The following PAMR1 variants were observed in gnomAD, a reference collection of about 807,000 sequenced individuals.
PAMR1 encodes peptidase domain containing associated with muscle regeneration 1, also known as inactive serine protease PAMR1.
Under a neutral mutation model 81.8 loss-of-function variants are expected in PAMR1, and 88 were observed. That is an observed-to-expected ratio of 1.08 (90% CI 0.91 to 1.28). The LOEUF is 1.28. Ranked by LOEUF, PAMR1 falls within the 50% of genes most tolerant of loss-of-function variation. The pLI is 0.00. For missense variants in PAMR1, 935 were observed against 919.7 expected, an observed-to-expected ratio of 1.02 and a Z score of -0.21; for synonymous variants, 336 against 345.3, an observed-to-expected ratio of 0.97 and a Z score of 0.30.
At chr11:35,525,260 A>G (rs1851363792) in intron 1 of PAMR1, among the ~76,000 whole-genome samples, 1 of 152,162 alleles carries the variant, frequency 6.6e-6, no homozygotes, top group African/African-American at 2.4e-5. Flanking sequence ...CGCTTTCCTG[A>G]GACAGTACAG....
chr11:35,515,261 A>G (rs1851141138), intron 1 of PAMR1, among the ~76,000 whole-genome samples: 2 of 152,174 alleles, frequency 1.3e-5, no homozygotes, highest in South Asian at 4.1e-4. Flanking sequence ...CTTTGCCAAA[A>G]GCTTCCAGAA....
intron 5 of PAMR1, among the ~76,000 whole-genome samples, chr11:35,470,324 C>T (rs948510678): frequency 7.2e-5 from 11 of 152,234 alleles, no homozygotes; most frequent in African/African-American, 2.7e-4. Flanking sequence ...ATCCCTAGTT[C>T]TGCCCCTATA....
intron 1 of PAMR1, among the ~76,000 whole-genome samples, chr11:35,514,461 C>T (rs1851128300): frequency 6.6e-6 from 1 of 152,186 alleles, no homozygotes; most frequent in Non-Finnish European, 1.5e-5. Context: ...ATCTTGCCCC[C>T]TGCTGCTTTA....
chr11:35,456,313 A>G (rs948196104), intron 6 of PAMR1, among the ~76,000 whole-genome samples: 2 of 152,186 alleles, frequency 1.3e-5, no homozygotes, highest in Non-Finnish European at 2.9e-5. Flanking sequence ...AGCCAACCCC[A>G]GAAGTTGACT....
intron 1 of PAMR1, among the ~76,000 whole-genome samples, chr11:35,523,655 C>A (rs1415831360): frequency 1.3e-5 from 2 of 152,198 alleles, no homozygotes; most frequent in African/African-American, 4.8e-5. Flanking sequence ...TGCCTGGGGC[C>A]AGATTCAGCA....
chr11:35,519,614 T>G (rs1286133198), intron 1 of PAMR1, among the ~76,000 whole-genome samples: 1 of 152,176 alleles, frequency 6.6e-6, no homozygotes, highest in African/African-American at 2.4e-5. Flanking sequence ...CTGGCACCCC[T>G]GTTTCCTCTA....
upstream of PAMR1, chr11:35,525,872 G>C (rs547072176): frequency 8.7e-5 from 44 of 505,150 alleles, 1 homozygote; most frequent in South Asian, 9.4e-4. Flanking sequence ...CTGCGGGGGA[G>C]GGAGGCCAGC....
At chr11:35,434,464 G>GT (rs746912414) in intron 10 of PAMR1, 48 bp downstream of exon 10, 5 of 1,576,676 alleles carry the variant, frequency 3.2e-6, no homozygotes, top group East Asian at 2.2e-5. Flanking sequence ...CGTGCTTGGA[G>GT]TTTTTTTGAG....
intron 3 of PAMR1, among the ~76,000 whole-genome samples, chr11:35,481,764 C>G (rs1850398086): frequency 6.6e-6 from 1 of 152,082 alleles, no homozygotes; most frequent in Non-Finnish European, 1.5e-5. Flanking sequence ...CTCAAGTGAT[C>G]CATCGCCTCA....
intron 6 of PAMR1, among the ~76,000 whole-genome samples, chr11:35,446,020 G>C (rs1334641400): frequency 6.6e-6 from 1 of 152,138 alleles, no homozygotes; most frequent in Non-Finnish European, 1.5e-5. Context: ...ACTAGTTATT[G>C]GTCTATTCAG....
chr11:35,438,833 A>G (rs1203626850), intron 8 of PAMR1, among the ~76,000 whole-genome samples: 2 of 152,224 alleles, frequency 1.3e-5, no homozygotes, highest in Non-Finnish European at 2.9e-5. Flanking sequence ...GTCAGGGTGA[A>G]GATAGGATTG....
chr11:35,477,215 G>T (rs1406112285), intron 3 of PAMR1, among the ~76,000 whole-genome samples: 4 of 152,102 alleles, frequency 2.6e-5, no homozygotes, highest in African/African-American at 4.8e-5. Flanking sequence ...TGATAGAGCT[G>T]GGATCTTTTC....
intron 1 of PAMR1, among the ~76,000 whole-genome samples, chr11:35,512,241 G>A (rs140916956): frequency 3.1e-4 from 47 of 152,148 alleles, no homozygotes; most frequent in African/African-American, 1.1e-3. Context: ...TCACACTGTG[G>A]CTTTTCATTC....
chr11:35,526,724 G>T (rs898777789), upstream of PAMR1, among the ~76,000 whole-genome samples: 2 of 152,186 alleles, frequency 1.3e-5, no homozygotes, highest in African/African-American at 4.8e-5. Flanking sequence ...TTCTTAGGAT[G>T]CTACATATGC....
chr11:35,458,696 G>A (rs1220817082), intron 6 of PAMR1, among the ~76,000 whole-genome samples: 1 of 152,172 alleles, frequency 6.6e-6, no homozygotes, highest in Non-Finnish European at 1.5e-5. Flanking sequence ...TCCGCCCATT[G>A]TCACTTGTCA....
At chr11:35,523,355 A>T (rs1425693424) in intron 1 of PAMR1, among the ~76,000 whole-genome samples, 1 of 152,220 alleles carries the variant, frequency 6.6e-6, no homozygotes, top group Non-Finnish European at 1.5e-5. Context: ...TCTCCAGATT[A>T]AGTTTTCATT....
intron 6 of PAMR1, among the ~76,000 whole-genome samples, chr11:35,448,917 G>T (rs1856353840): frequency 6.6e-6 from 1 of 152,152 alleles, no homozygotes; most frequent in East Asian, 1.9e-4. Flanking sequence ...TTTGCTGGAG[G>T]TCCACTCCAG....
rs766717121 is a variant in PAMR1, at chr11:35,474,670, A to G, written c.454T>C (p.Trp152Arg). The G allele has an allele frequency of 6.2e-7, 1 of 1,610,532 alleles. No individual in the cohort carries two copies. The highest frequency in any genetic ancestry group is 1.3e-5 in the African/African-American group (1 of 74,766). ...AACCCAGGTTTAGCATGAATGGTCC[A>G]TTCACAGTGAGCATTTAGGGGATAG... ...ESYPLNAHCE[W>R]TIHAKPGFVI... Residue 152 changes from tryptophan (W) to arginine (R), a missense_variant, in exon 4 of 11, where the codon TGG becomes CGG. Transcript: ENST00000619888.
chr11:35,487,998 G>T (rs1850543112), intron 3 of PAMR1, among the ~76,000 whole-genome samples: 1 of 152,084 alleles, frequency 6.6e-6, no homozygotes, highest in South Asian at 2.1e-4. Context: ...TTTTCCTCCT[G>T]TCTCAGCCTA....
Sources: gnomAD v4.1 joint callset for allele counts (sites outside exome capture counted in the v4.1 genomes callset) on GRCh38, gnomAD v4.1.1 for gene constraint, MANE v1.5 for transcripts, NCBI Gene and HGNC (gene_info 2026-07-23, HGNC 2026-07-21) for gene names.